LYRM4: variants seen among roughly 807,000 people sequenced by gnomAD.
LYRM4 encodes LYR motif containing 4, also known as LYR motif-containing protein 4.
LYRM4 carries 9 observed loss-of-function variants against 11.7 expected under a neutral mutation model. That is an observed-to-expected ratio of 0.77 (90% CI 0.46 to 1.34). The LOEUF (loss-of-function observed/expected upper bound fraction) is 1.34. Ranked by LOEUF, LYRM4 falls within the 40% of genes most tolerant of loss-of-function variation. LYRM4 has a pLI of 0.00. For synonymous variants in LYRM4, 42 were observed against 40.4 expected, an observed-to-expected ratio of 1.04 and a Z score of -0.15; for missense variants, 133 against 112.5, an observed-to-expected ratio of 1.18 and a Z score of -0.82.
At chr6:5,083,875 G>C in the LYRM4 span, among the ~76,000 whole-genome samples, 1 of 152,172 alleles carries the variant, frequency 6.6e-6, no homozygotes. Context: ...ATAAGTAACT[G>C]AATACACATC....
intron 2 of LYRM4, among the ~76,000 whole-genome samples, chr6:5,154,802 G>C (rs1554131904): frequency 6.6e-6 from 1 of 152,068 alleles, no homozygotes; most frequent in Non-Finnish European, 1.5e-5. Context: ...CTGGGCGACA[G>C]AGCGAGACTC....
the LYRM4 span, among the ~76,000 whole-genome samples, chr6:5,046,192 G>T: frequency 6.6e-6 from 1 of 151,242 alleles, no homozygotes; most frequent in Non-Finnish European, 1.5e-5. Flanking sequence ...CGTTTCCCAC[G>T]CTGCAGTGCA....
intron 2 of LYRM4, among the ~76,000 whole-genome samples, chr6:5,119,303 G>T (rs1274062792): frequency 6.6e-6 from 1 of 152,094 alleles, no homozygotes; most frequent in Non-Finnish European, 1.5e-5. Context: ...GAAACAAGGT[G>T]CAAGAGCGTG....
intron 2 of LYRM4, among the ~76,000 whole-genome samples, chr6:5,133,587 C>T (rs1277163093): frequency 1.3e-5 from 2 of 152,146 alleles, no homozygotes; most frequent in African/African-American, 4.8e-5. Flanking sequence ...TGTTTTTATA[C>T]ATCAGAATTA....
intron 2 of LYRM4, among the ~76,000 whole-genome samples, chr6:5,146,587 C>T (rs1168873252): frequency 5.3e-5 from 8 of 152,166 alleles, no homozygotes; most frequent in Admixed American, 5.2e-4. Flanking sequence ...CAATTTCCCC[C>T]TGAAGCGGGC....
chr6:5,116,132 C>T (rs464681), intron 2 of LYRM4, among the ~76,000 whole-genome samples: 68,229 of 152,006 alleles, frequency 0.45, 17,098 homozygotes, highest in East Asian at 0.8. Flanking sequence ...CTCTAAAATC[C>T]GGAGAGATGA....
intron 2 of LYRM4, among the ~76,000 whole-genome samples, chr6:5,216,133 G>A (rs80021251): frequency 6.6e-6 from 1 of 152,076 alleles, no homozygotes; most frequent in South Asian, 2.1e-4. Flanking sequence ...CACCCAAGCA[G>A]CTGTACTTTA....
the LYRM4 span, among the ~76,000 whole-genome samples, chr6:5,055,979 T>C: frequency 6.6e-6 from 1 of 150,618 alleles, no homozygotes; most frequent in Non-Finnish European, 1.5e-5. This position sits in a 1 kb window ranked among gnomAD's most constrained non-coding sequence, Gnocchi z 4.5. Context: ...TTTCTTTCTC[T>C]CTCTTTCTTT....
chr6:5,099,391 C>CTATCTA (rs1762432070), downstream of LYRM4, among the ~76,000 whole-genome samples: 24 of 145,560 alleles, frequency 1.6e-4, no homozygotes, highest in East Asian at 4.1e-4. This position sits in a 1 kb window ranked among gnomAD's most constrained non-coding sequence, Gnocchi z 4.3. Context: ...AAATCTATTT[C>CTATCTA]TCTATCTATC....
At chr6:5,233,564 T>C (rs1255428780) in intron 1 of LYRM4, among the ~76,000 whole-genome samples, 1 of 152,206 alleles carries the variant, frequency 6.6e-6, no homozygotes, top group Non-Finnish European at 1.5e-5. Context: ...ATTCAGAGGC[T>C]GGAGGCTGAT....
chr6:5,256,994 T>A (rs1320512528), intron 1 of LYRM4, among the ~76,000 whole-genome samples: 1 of 152,158 alleles, frequency 6.6e-6, no homozygotes, highest in African/African-American at 2.4e-5. Context: ...AACATTCTTC[T>A]CTATCTTCCA....
At chr6:5,154,633 T>G (rs966761859) in intron 2 of LYRM4, among the ~76,000 whole-genome samples, 7 of 152,064 alleles carry the variant, frequency 4.6e-5, no homozygotes, top group Admixed American at 6.5e-5. Flanking sequence ...TGACGAACAC[T>G]GTGAAACCCT....
the LYRM4 span, among the ~76,000 whole-genome samples, chr6:5,059,584 C>G: frequency 4.6e-5 from 7 of 152,126 alleles, no homozygotes; most frequent in Non-Finnish European, 8.8e-5. Flanking sequence ...CCTGGACATG[C>G]CTGCTCTGCG....
chr6:5,164,897 G>A (rs6901828), intron 2 of LYRM4, among the ~76,000 whole-genome samples: 55,269 of 150,440 alleles, frequency 0.37, 11,242 homozygotes, highest in East Asian at 0.59. Flanking sequence ...GAACCTGGGA[G>A]GCGGAGGTTG....
chr6:5,108,741 A>T lies in LYRM4; in HGVS notation c.*682T>A. The T allele has an allele frequency of 3.1e-6, 3 of 968,406 alleles. No individual in the cohort carries two copies. Among genetic ancestry groups the T allele is most frequent in the Non-Finnish European group, 3.7e-6 (3 of 814,008 alleles). 60.0% of individuals were successfully genotyped at this position (968,406 alleles called of 1,614,324 possible). ...GCTCTCTCATTCACCAGGTGTGGGG[A>T]GGGGCTTGAGCCTGCATTTCCAGCA... On this transcript the variant is annotated 3_prime_UTR_variant, in exon 3 of 3. Coordinates refer to ENST00000330636, the MANE Select transcript of LYRM4 (RefSeq NM_020408.6).
the LYRM4 span, among the ~76,000 whole-genome samples, chr6:5,083,710 C>T: frequency 1.3e-5 from 2 of 152,204 alleles, no homozygotes; most frequent in Non-Finnish European, 2.9e-5. Context: ...TAACACGCTC[C>T]TCACCCACCA....
At chr6:5,100,206 T>C (rs2127587945), downstream of LYRM4, among the ~76,000 whole-genome samples, 1 of 152,246 alleles carries the variant, frequency 6.6e-6, no homozygotes, top group South Asian at 2.1e-4. Context: ...TTACAGAAAC[T>C]GATACAAGCC....
At chr6:5,035,063 C>T in the LYRM4 span, among the ~76,000 whole-genome samples, 6 of 152,120 alleles carry the variant, frequency 3.9e-5, no homozygotes, top group East Asian at 1.2e-3. Context: ...GATAAACAAA[C>T]CTCTGTAACA....
intron 2 of LYRM4, among the ~76,000 whole-genome samples, chr6:5,131,517 T>C (rs1008750392): frequency 6.6e-6 from 1 of 152,100 alleles, no homozygotes; most frequent in East Asian, 1.9e-4. Flanking sequence ...TTGGCCAACA[T>C]AGCAACACCT....
Sources: gnomAD v4.1 joint callset for allele counts (sites outside exome capture counted in the v4.1 genomes callset) on GRCh38, gnomAD v4.1.1 for gene constraint, Gnocchi (gnomAD v3.1) non-coding constraint, MANE v1.5 for transcripts, NCBI Gene and HGNC (gene_info 2026-07-23, HGNC 2026-07-21) for gene names.